The following WWOX variants were observed in gnomAD, a reference collection of about 807,000 sequenced individuals.
WWOX encodes the protein WW domain-containing oxidoreductase.
Under a neutral mutation model 46.2 loss-of-function variants are expected in WWOX, and 69 were observed. That is an observed-to-expected ratio of 1.49 (90% CI 1.23 to 1.82). The LOEUF is 1.82. WWOX is among the 40% of genes most tolerant of loss of function. WWOX has a pLI of 0.00. For missense variants in WWOX, 919 were observed against 542.6 expected, an observed-to-expected ratio of 1.69 and a Z score of -6.89; for synonymous variants, 359 against 202.6, an observed-to-expected ratio of 1.77 and a Z score of -6.56.
chr16:79,211,572 T>G lies in WWOX; in HGVS notation c.1057-36T>G, dbSNP rs373959842. On this transcript the variant is annotated intron_variant, in intron 8 of 8. Transcript: ENST00000566780. ...GACGCCATCTCATCACTCCTTTTCT[T>G]AAAATTTTTTTTTGTCTTTCTTCTT... The G allele has an allele frequency of 1.9e-6, 3 of 1,613,918 alleles. No homozygotes were observed. In the African/African-American group the frequency reaches 4.0e-5, roughly 22 times the overall value.
At chr16:78,351,472 G>A (rs964283695) in intron 5 of WWOX, among the ~76,000 whole-genome samples, 3 of 152,144 alleles carry the variant, frequency 2.0e-5, no homozygotes, top group African/African-American at 7.2e-5. Context: ...TATCATATAC[G>A]CTTTAGGTGG....
chr16:78,581,523 G>T (rs556998222), intron 8 of WWOX, among the ~76,000 whole-genome samples: 1 of 152,102 alleles, frequency 6.6e-6, no homozygotes, highest in Non-Finnish European at 1.5e-5. Flanking sequence ...TGCTAGTCTT[G>T]TCGTCTTACA....
chr16:79,101,686 G>C (rs562142413), intron 8 of WWOX: 1 of 150,258 alleles, frequency 6.7e-6, no homozygotes, highest in Non-Finnish European at 1.5e-5. Flanking sequence ...ACTTTCCAAA[G>C]GGAATTACCT....
Position 78,785,830 on chromosome 16 carries a change from T to C in WWOX, c.1056+353078T>C, listed in dbSNP as rs193146405. Among the ~76,000 whole-genome samples, 65 of 152,352 alleles carry C rather than the reference T, an allele frequency of 4.3e-4. No individual in the cohort carries two copies. The East Asian group carries it at 6.9e-3, about 16-fold the overall frequency. ...GTTTTAAAATACCAAAAAATATTTC[T>C]TCAATTTTTTTCTGCTACTCATAAT... On this transcript the variant is annotated intron_variant, in intron 8 of 8. Coordinates refer to ENST00000566780, the MANE Select transcript of WWOX (RefSeq NM_016373.4).
At chr16:78,530,674 A>T (rs955718646) in intron 8 of WWOX, among the ~76,000 whole-genome samples, 4 of 152,166 alleles carry the variant, frequency 2.6e-5, no homozygotes, top group South Asian at 4.1e-4. Context: ...CCACAGTTCC[A>T]GGCTTGAGGA....
At chr16:78,702,720 A>G (rs1240449386) in intron 8 of WWOX, among the ~76,000 whole-genome samples, 2 of 152,132 alleles carry the variant, frequency 1.3e-5, no homozygotes, top group East Asian at 1.9e-4. Context: ...AAGGTTAGAA[A>G]GAGAACATGA....
At chr16:79,060,693 C>G (rs979002558) in intron 8 of WWOX, among the ~76,000 whole-genome samples, 19 of 152,182 alleles carry the variant, frequency 1.2e-4, no homozygotes, top group Admixed American at 1.2e-3. Flanking sequence ...CAATTTTTAT[C>G]TTTGTTTAAT....
chr16:78,479,232 A>T (rs2084430070), intron 8 of WWOX, among the ~76,000 whole-genome samples: 1 of 152,200 alleles, frequency 6.6e-6, no homozygotes, highest in African/African-American at 2.4e-5. Flanking sequence ...TTGAATACCT[A>T]CTATGTGTCT....
intron 5 of WWOX, among the ~76,000 whole-genome samples, chr16:78,277,851 T>A (rs2079608110): frequency 6.6e-6 from 1 of 152,132 alleles, no homozygotes; most frequent in South Asian, 2.1e-4. Context: ...GGCATCAGAT[T>A]TGAAGAATGT....
At chr16:78,721,930 A>G (rs1182997181) in intron 8 of WWOX, among the ~76,000 whole-genome samples, 1 of 152,248 alleles carries the variant, frequency 6.6e-6, no homozygotes, top group Non-Finnish European at 1.5e-5. Flanking sequence ...AACTTTGTAA[A>G]TGTGACTTTC....
intron 6 of WWOX, among the ~76,000 whole-genome samples, chr16:78,391,608 G>T (rs2082175354): frequency 6.6e-6 from 1 of 152,212 alleles, no homozygotes; most frequent in Admixed American, 6.5e-5. Context: ...AGCACCTGGG[G>T]AGGCCGCAGT....
intron 8 of WWOX, among the ~76,000 whole-genome samples, chr16:78,460,223 A>G (rs2151422264): frequency 6.6e-6 from 1 of 151,310 alleles, no homozygotes; most frequent in South Asian, 2.1e-4. Flanking sequence ...TGCCTCCCGG[A>G]TTCAAGAGAT....
chr16:78,417,227 TG>T (rs1387220661), intron 6 of WWOX, among the ~76,000 whole-genome samples: 1 of 151,964 alleles, frequency 6.6e-6, no homozygotes, highest in African/African-American at 2.4e-5. Flanking sequence ...TGCATGCCAC[TG>T]GCTATTTTTA....
chr16:78,202,429 C>T (rs1201519294), intron 5 of WWOX, among the ~76,000 whole-genome samples: 1 of 152,170 alleles, frequency 6.6e-6, no homozygotes, highest in Non-Finnish European at 1.5e-5. Context: ...CATTTTAAGC[C>T]TTAGGTTGTT....
At chr16:78,565,063 G>C (rs1469940241) in intron 8 of WWOX, among the ~76,000 whole-genome samples, 1 of 152,180 alleles carries the variant, frequency 6.6e-6, no homozygotes, top group Non-Finnish European at 1.5e-5. Context: ...TCTCTCCCCA[G>C]CAACTATAAC....
chr16:78,147,643 A>G (rs2034244259), intron 4 of WWOX, among the ~76,000 whole-genome samples: 1 of 148,676 alleles, frequency 6.7e-6, no homozygotes, highest in Admixed American at 6.7e-5. Flanking sequence ...GTGAGAGCCA[A>G]GGTCAATCTG....
chr16:78,176,263 A>G (rs909351868), intron 5 of WWOX, among the ~76,000 whole-genome samples: 38 of 152,172 alleles, frequency 2.5e-4, no homozygotes, highest in African/African-American at 7.5e-4. Context: ...TGGGATACTA[A>G]AAGTTGGCAG....
intron 8 of WWOX, among the ~76,000 whole-genome samples, chr16:78,737,778 T>C (rs2049124665): frequency 6.6e-6 from 1 of 152,194 alleles, no homozygotes; most frequent in Admixed American, 6.5e-5. Context: ...TTCCCCCATC[T>C]GGCAGAAACT....
intron 8 of WWOX, among the ~76,000 whole-genome samples, chr16:79,008,362 C>T (rs1324895545): frequency 1.3e-5 from 2 of 152,182 alleles, no homozygotes; most frequent in Non-Finnish European, 2.9e-5. Flanking sequence ...GATTGAATCC[C>T]TTTTGATTAA....
Sources: gnomAD v4.1 joint callset for allele counts (sites outside exome capture counted in the v4.1 genomes callset) on GRCh38, gnomAD v4.1.1 for gene constraint, MANE v1.5 for transcripts, NCBI Gene and HGNC (gene_info 2026-07-23, HGNC 2026-07-21) for gene names.